GRID1: variants seen among roughly 807,000 people sequenced by gnomAD.
GRID1 encodes the protein glutamate ionotropic receptor delta type subunit 1, also known as glutamate receptor ionotropic, delta-1.
Under a neutral mutation model 98.0 loss-of-function variants are expected in GRID1, and 28 were observed. The observed-to-expected ratio is 0.29, with a 90% CI of 0.21 to 0.39. GRID1 has a LOEUF of 0.39. Ranked by LOEUF, GRID1 falls within the 10% of genes least tolerant of loss-of-function variation. The pLI, the probability that GRID1 is intolerant of heterozygous loss-of-function variation, is 1.00. For synonymous variants in GRID1, 553 were observed against 538.5 expected, an observed-to-expected ratio of 1.03 and a Z score of -0.37; for missense variants, 1,111 against 1,340.5, an observed-to-expected ratio of 0.83 and a Z score of 2.67.
chr10:85,673,831 C>T (rs983950096), intron 12 of GRID1, among the ~76,000 whole-genome samples: 4 of 151,762 alleles, frequency 2.6e-5, no homozygotes, highest in Admixed American at 6.6e-5. Context: ...TCACTCTTCT[C>T]GATTAATAGA....
chr10:85,686,310 G>A (rs1249839939), intron 12 of GRID1, among the ~76,000 whole-genome samples: 2 of 152,130 alleles, frequency 1.3e-5, no homozygotes, highest in African/African-American at 2.4e-5. Flanking sequence ...AAACTTGAAT[G>A]CATACTTGAG....
chr10:86,035,775 T>A (rs538793882), intron 4 of GRID1, among the ~76,000 whole-genome samples: 1 of 152,214 alleles, frequency 6.6e-6, no homozygotes, highest in Admixed American at 6.5e-5. Context: ...TAATATAACA[T>A]AATATGGAAC....
rs894865955 is a variant in GRID1, at chr10:85,915,435, TCA to T, written c.780+749_780+750del. On this transcript the variant is annotated intron_variant, in intron 5 of 15. Transcript: ENST00000327946. ...TGTACATACACTCAACACATTCAAT[TCA>T]CACACAAAGACACATACACACTTGT... Among the ~76,000 whole-genome samples, 15 of 151,670 alleles carry T rather than the reference TCA, an allele frequency of 9.9e-5. No individual in the cohort carries two copies. The East Asian group carries it at 2.1e-3, about 22-fold the overall frequency.
At chr10:85,769,732 A>C (rs1018013272) in intron 8 of GRID1, among the ~76,000 whole-genome samples, 1 of 152,222 alleles carries the variant, frequency 6.6e-6, no homozygotes, top group African/African-American at 2.4e-5. Context: ...CTAACAAAGC[A>C]GTCTGAGATC....
chr10:86,254,415 A>C (rs1170802755), intron 2 of GRID1, among the ~76,000 whole-genome samples: 1 of 152,250 alleles, frequency 6.6e-6, no homozygotes, highest in Non-Finnish European at 1.5e-5. Context: ...AATTTCTTAC[A>C]AATTCTCAGA....
chr10:86,246,077 G>C (rs925910318), intron 2 of GRID1, among the ~76,000 whole-genome samples: 3 of 152,242 alleles, frequency 2.0e-5, no homozygotes, highest in East Asian at 1.9e-4. Context: ...AAAACACAAG[G>C]GTCCTTCCCA....
chr10:85,640,997 A>G (rs1392394036), intron 13 of GRID1, among the ~76,000 whole-genome samples: 1 of 152,250 alleles, frequency 6.6e-6, no homozygotes, highest in African/African-American at 2.4e-5. Context: ...ACAGGGTCTG[A>G]AACAAGCTAC....
At chr10:85,602,888 G>C (rs1842601498) in intron 15 of GRID1, among the ~76,000 whole-genome samples, 187 bp from the exon 16 acceptor site, 1 of 152,098 alleles carries the variant, frequency 6.6e-6, no homozygotes, top group African/African-American at 2.4e-5. Context: ...GGAGAAGCCA[G>C]GGGGGAGACA....
At chr10:86,280,993 C>G (rs1004960334) in intron 2 of GRID1, among the ~76,000 whole-genome samples, 5 of 152,230 alleles carry the variant, frequency 3.3e-5, no homozygotes, top group Non-Finnish European at 7.3e-5. Context: ...GGGGATCACC[C>G]TTCCTCTGAA....
chr10:85,946,002 A>G (rs1371036322), intron 4 of GRID1, among the ~76,000 whole-genome samples: 1 of 151,406 alleles, frequency 6.6e-6, no homozygotes, highest in Non-Finnish European at 1.5e-5. Flanking sequence ...GACAGATAAA[A>G]TATGTTTAAT....
intron 8 of GRID1, among the ~76,000 whole-genome samples, chr10:85,790,121 C>T (rs1189229913): frequency 6.6e-6 from 1 of 152,214 alleles, no homozygotes; most frequent in East Asian, 1.9e-4. Context: ...CTGGGTCCAC[C>T]CACCTCTCCT....
In GRID1 at chr10:86,083,981, T is replaced by C. The variant is rs563344860; in HGVS notation, c.726+54838A>G. Among the ~76,000 whole-genome samples, 47 of 152,346 alleles carry C rather than the reference T, an allele frequency of 3.1e-4. No homozygotes were observed. In the South Asian group the frequency reaches 4.1e-3, roughly 13 times the overall value. On this transcript the variant is annotated intron_variant, in intron 4 of 15. Transcript: ENST00000327946. The stretch of plus-strand genomic sequence containing the variant: ...AAGGGGCGAGGCTTCTTTCACTGCA[T>C]CCGGAGTCCCTGCTGGACATCAGCC...
chr10:85,786,277 C>A (rs1251627125), intron 8 of GRID1, among the ~76,000 whole-genome samples: 1 of 152,206 alleles, frequency 6.6e-6, no homozygotes, highest in African/African-American at 2.4e-5. Context: ...TAGGCACCAA[C>A]CACACACCAG....
At position 86,366,223 on chromosome 10, in the gene GRID1, G is replaced by A. The variant is rs1848676342; in HGVS notation, c.79+91C>T. 5.8e-6 allele frequency: 5 copies of A among 858,272 alleles called. No individual in the cohort carries two copies. Among genetic ancestry groups the A allele is most frequent in the South Asian group, 4.2e-5 (2 of 47,530 alleles). 53.2% of individuals were successfully genotyped at this position (858,272 alleles called of 1,614,324 possible). ...GGGAGCACCGCCCGCCGAGCCCCTCGGCCCAGGGAAACGCCAAGTTTGGAC... is the reference window on the plus strand; with the variant it reads ...GGGAGCACCGCCCGCCGAGCCCCTCAGCCCAGGGAAACGCCAAGTTTGGAC... On this transcript the variant is annotated intron_variant, in intron 1 of 15. Transcript: ENST00000327946. This position sits in a 1 kb window ranked among gnomAD's most constrained non-coding sequence, Gnocchi z 4.1.
intron 14 of GRID1, among the ~76,000 whole-genome samples, chr10:85,614,628 T>C (rs1182777361): frequency 6.6e-6 from 1 of 151,874 alleles, no homozygotes; most frequent in Non-Finnish European, 1.5e-5. Context: ...ATGTCTGGGG[T>C]AGCACTTAGC....
At chr10:86,251,873 C>T (rs144318283) in intron 2 of GRID1, among the ~76,000 whole-genome samples, 22 of 152,304 alleles carry the variant, frequency 1.4e-4, no homozygotes, top group Non-Finnish European at 2.6e-4. Context: ...CACAAACCTC[C>T]CACAGGAATA....
At chr10:85,726,881 AT>A (rs1235431644) in intron 10 of GRID1, among the ~76,000 whole-genome samples, 1 of 152,224 alleles carries the variant, frequency 6.6e-6, no homozygotes, top group Non-Finnish European at 1.5e-5. Context: ...AAATCATTGA[AT>A]TGTATATCTA....
intron 2 of GRID1, among the ~76,000 whole-genome samples, chr10:86,238,435 G>A (rs1004771754): frequency 3.3e-5 from 5 of 152,200 alleles, no homozygotes; most frequent in Non-Finnish European, 7.3e-5. Context: ...GCTGAGGCAG[G>A]CAGATCATGA....
chr10:86,022,112 T>C (rs985569196), intron 4 of GRID1, among the ~76,000 whole-genome samples: 5 of 152,206 alleles, frequency 3.3e-5, no homozygotes, highest in Admixed American at 6.5e-5. Flanking sequence ...TAAGACACTT[T>C]ACATTCATAC....
Sources: allele counts gnomAD v4.1 joint callset (sites outside exome capture counted in the v4.1 genomes callset), GRCh38; gene constraint gnomAD v4.1.1; non-coding constraint Gnocchi (gnomAD v3.1); transcripts MANE v1.5; gene names NCBI Gene and HGNC (gene_info 2026-07-23, HGNC 2026-07-21).